The following KIAA1217 variants were observed in gnomAD, a reference collection of about 807,000 sequenced individuals.
KIAA1217 encodes KIAA1217.
KIAA1217 carries 88 observed loss-of-function variants against 163.9 expected under a neutral mutation model. The observed-to-expected ratio is 0.54, with a 90% CI of 0.45 to 0.64. The LOEUF (loss-of-function observed/expected upper bound fraction) is 0.64. KIAA1217 is among the 30% of genes least tolerant of loss of function. The pLI, the probability that KIAA1217 is intolerant of heterozygous loss-of-function variation, is 0.00. For missense variants in KIAA1217, 2,372 were observed against 2,475.0 expected, an observed-to-expected ratio of 0.96 and a Z score of 0.88; for synonymous variants, 903 against 923.1, an observed-to-expected ratio of 0.98 and a Z score of 0.39.
intron 1 of KIAA1217, among the ~76,000 whole-genome samples, chr10:23,736,487 A>G (rs978691375): frequency 8.5e-5 from 13 of 152,114 alleles, no homozygotes; most frequent in East Asian, 7.7e-4. Flanking sequence ...GTGTGACACT[A>G]TGGTAATTAA....
At chr10:24,024,846 G>A (rs1376699117) in intron 2 of KIAA1217, among the ~76,000 whole-genome samples, 2 of 151,504 alleles carry the variant, frequency 1.3e-5, no homozygotes. Flanking sequence ...TTGGTGAATT[G>A]ACTTTTCAAA....
chr10:23,815,301 A>C (rs915698254), intron 1 of KIAA1217, among the ~76,000 whole-genome samples: 1 of 152,198 alleles, frequency 6.6e-6, no homozygotes, highest in Non-Finnish European at 1.5e-5. Context: ...AGATGACATC[A>C]TTTAAAACAA....
intron 3 of KIAA1217, among the ~76,000 whole-genome samples, chr10:24,396,162 C>T (rs373332193): frequency 6.6e-6 from 1 of 151,912 alleles, no homozygotes; most frequent in East Asian, 1.9e-4. Context: ...CATGGTGAAA[C>T]CCTCTCTCTA....
At chr10:24,306,932 C>T (rs747035742) in intron 2 of KIAA1217, among the ~76,000 whole-genome samples, 11 of 152,208 alleles carry the variant, frequency 7.2e-5, no homozygotes, top group Non-Finnish European at 1.2e-4. Flanking sequence ...ATTGTTCATT[C>T]ACACGGCAAG....
At chr10:23,970,432 A>G (rs1354176812) in intron 1 of KIAA1217, among the ~76,000 whole-genome samples, 3 of 152,234 alleles carry the variant, frequency 2.0e-5, no homozygotes, top group Admixed American at 2.0e-4. Context: ...GAGTCTAAAA[A>G]GTCAAACTTG....
intron 1 of KIAA1217, among the ~76,000 whole-genome samples, chr10:23,934,573 AT>A (rs1843408379): frequency 1.3e-5 from 1 of 75,170 alleles, no homozygotes. Flanking sequence ...ATATATATAT[AT>A]ATATATATAT....
chr10:24,347,478 G>A (rs1251498590), intron 2 of KIAA1217, among the ~76,000 whole-genome samples: 1 of 152,032 alleles, frequency 6.6e-6, no homozygotes, highest in African/African-American at 2.4e-5. Flanking sequence ...TGTCATTTTT[G>A]TATTACAAAC....
intron 1 of KIAA1217, among the ~76,000 whole-genome samples, chr10:23,786,161 A>G (rs1835485239): frequency 6.6e-6 from 1 of 152,292 alleles, no homozygotes; most frequent in African/African-American, 2.4e-5. Flanking sequence ...TACAGGGGGA[A>G]GTTCTTATGG....
At chr10:24,471,360 A>G (rs2063492792) in intron 5 of KIAA1217, among the ~76,000 whole-genome samples, 1 of 152,094 alleles carries the variant, frequency 6.6e-6, no homozygotes, top group Non-Finnish European at 1.5e-5. Context: ...AACTTGAAGA[A>G]TGGATGGAGC....
intron 1 of KIAA1217, among the ~76,000 whole-genome samples, chr10:23,913,059 T>C (rs1178047302): frequency 6.6e-6 from 1 of 152,182 alleles, no homozygotes; most frequent in African/African-American, 2.4e-5. Context: ...TGTTATTTCC[T>C]TCATTTAACC....
chr10:24,209,094 T>A, upstream of KIAA1217: 2 of 952,962 alleles, frequency 2.1e-6, no homozygotes, highest in African/African-American at 1.6e-5. Flanking sequence ...CGTCCCCTCC[T>A]CCCCAGCCCC....
chr10:24,302,374 A>T (rs1225910295), intron 2 of KIAA1217, among the ~76,000 whole-genome samples: 1 of 152,158 alleles, frequency 6.6e-6, no homozygotes, highest in Non-Finnish European at 1.5e-5. Context: ...CTTCTTGATC[A>T]TAGTGTCATT....
chr10:24,407,103 C>T (rs2057296650), intron 3 of KIAA1217, among the ~76,000 whole-genome samples: 1 of 152,164 alleles, frequency 6.6e-6, no homozygotes. Flanking sequence ...TTAATTTTCT[C>T]CATCTATAAA....
chr10:23,719,715 G>A (rs547327325), intron 1 of KIAA1217, among the ~76,000 whole-genome samples: 6 of 151,890 alleles, frequency 4.0e-5, no homozygotes, highest in Non-Finnish European at 7.4e-5. Context: ...TTAAGAGATC[G>A]AGACCGTCCT....
At chr10:24,122,808 T>C (rs1016111631) in intron 2 of KIAA1217, among the ~76,000 whole-genome samples, 5 of 152,036 alleles carry the variant, frequency 3.3e-5, no homozygotes, top group Admixed American at 6.6e-5. Flanking sequence ...GTACTATTTA[T>C]TTACAATAAT....
At chr10:24,399,622 C>T (rs1452162174) in intron 3 of KIAA1217, among the ~76,000 whole-genome samples, 1 of 152,144 alleles carries the variant, frequency 6.6e-6, no homozygotes, top group Non-Finnish European at 1.5e-5. Context: ...TCTTTCAGTT[C>T]CTGGGTCCAT....
At chr10:23,808,733 A>G (rs1836854559) in intron 1 of KIAA1217, among the ~76,000 whole-genome samples, 1 of 152,124 alleles carries the variant, frequency 6.6e-6, no homozygotes, top group South Asian at 2.1e-4. Flanking sequence ...TCAGAAGAGA[A>G]AATAAAAGAT....
At chr10:23,913,717 ACAT>A (rs1189727056) in intron 1 of KIAA1217, among the ~76,000 whole-genome samples, 2 of 152,066 alleles carry the variant, frequency 1.3e-5, no homozygotes, top group Non-Finnish European at 2.9e-5. Flanking sequence ...GAGAGAAAAA[ACAT>A]CAGCCAGATT....
chr10:23,869,700 G>T (rs1840368274), intron 1 of KIAA1217, among the ~76,000 whole-genome samples: 1 of 152,098 alleles, frequency 6.6e-6, no homozygotes, highest in Admixed American at 6.6e-5. Context: ...AGAGAAGAAA[G>T]AGAGTGAGTT....
Sources: gnomAD v4.1 joint callset for allele counts (sites outside exome capture counted in the v4.1 genomes callset) on GRCh38, gnomAD v4.1.1 for gene constraint, MANE v1.5 for transcripts, NCBI Gene and HGNC (gene_info 2026-07-23, HGNC 2026-07-21) for gene names.